The following TSC1 variants were observed in gnomAD, a reference collection of about 807,000 sequenced individuals.
TSC1 encodes the protein TSC complex subunit 1, also known as hamartin.
Under a neutral mutation model 124.3 loss-of-function variants are expected in TSC1, and 20 were observed. The ratio of observed to expected loss-of-function variants is 0.16; its 90% CI spans 0.11 to 0.23. The LOEUF is 0.23. Among genes scored for constraint, TSC1 ranks in the 10% least tolerant of loss-of-function variants. The pLI is 1.00. For missense variants in TSC1, 1,124 were observed against 1,448.5 expected, an observed-to-expected ratio of 0.78 and a Z score of 3.64; for synonymous variants, 493 against 539.1, an observed-to-expected ratio of 0.91 and a Z score of 1.19.
At position 132,921,343 on chromosome 9, in the gene TSC1, T is replaced by C. The variant is rs764271835; in HGVS notation, c.737+20A>G. 281 of 1,613,336 alleles carry C rather than the reference T, an allele frequency of 1.7e-4. 4 individuals are homozygous for C. The highest frequency in any genetic ancestry group is 1.1e-5 in the South Asian group (1 of 91,072). ...AATCTCTCGAAAGATTCTTTAAAAT[T>C]TTGACACTAGTTTCTATACCTTCGA... is the stretch of plus-strand genomic sequence containing the variant. On this transcript the variant is annotated intron_variant, in intron 8 of 22. Coordinates refer to ENST00000298552, the MANE Select transcript of TSC1 (RefSeq NM_000368.5). This position sits in a 1 kb window ranked among gnomAD's most constrained non-coding sequence, Gnocchi z 4.3.
chr9:132,928,189 C>T (rs1564504372), intron 3 of TSC1, among the ~76,000 whole-genome samples: 1 of 152,164 alleles, frequency 6.6e-6, no homozygotes, highest in Admixed American at 6.6e-5. Flanking sequence ...CATTCACCTA[C>T]TGAAGGATAC....
chr9:132,908,166 A>C (rs1435095842), intron 12 of TSC1, among the ~76,000 whole-genome samples: 5 of 152,240 alleles, frequency 3.3e-5, no homozygotes, highest in Non-Finnish European at 1.5e-5. Context: ...TATATTAGAA[A>C]ACCAGGAAAT....
In TSC1 at chr9:132,934,615, G is replaced by A. The variant is rs1275446266; in HGVS notation, c.-81+418C>T. 1.9e-5 allele frequency: 3 copies of A among 155,082 alleles called. No individual in the cohort carries two copies. In the Admixed American group the frequency reaches 2.0e-4, roughly 10 times the overall value. The allele number at this position is 155,082 out of a possible 1,614,324, so 9.6% of individuals were successfully genotyped here. On this transcript the variant is annotated intron_variant, in intron 2 of 22. Coordinates refer to ENST00000298552, the MANE Select transcript of TSC1 (RefSeq NM_000368.5). Reference sequence around the variant, plus strand: ...TGCAGATTTCTCAGGTGCAGCCAGGGTTAAGAACGTCTGCACTAGTTAAAT... The same window carrying A: ...TGCAGATTTCTCAGGTGCAGCCAGGATTAAGAACGTCTGCACTAGTTAAAT...
chr9:132,916,996 T>G (rs1394520852), intron 8 of TSC1, among the ~76,000 whole-genome samples: 2 of 152,250 alleles, frequency 1.3e-5, no homozygotes, highest in Non-Finnish European at 2.9e-5. Flanking sequence ...TTTGAGTCCA[T>G]GCATATCTGA....
rs1845080410 is a variant in TSC1 at position 132,896,647 on chromosome 9, C to T, written c.3083G>A (p.Gly1028Asp). Residue 1028 changes from glycine to aspartate, a missense_variant, in exon 23 of 23, where the codon GGC (glycine) becomes GAC (aspartate). Gly to Asp is a moderately conservative substitution (Grantham distance 94). Around this residue, in one of 5 missense-constraint regions of TSC1, gnomAD observed 325 missense variants for 383.4 expected, o/e 0.85. Transcript: ENST00000298552. The surrounding 1 kb of genome is among the most constrained non-coding windows in gnomAD (Gnocchi z 4.5). ...TKTPRPSSAR[G>D]SSGSRGGGGS... ...TCCACCACCTCTGCTTCCACTACTGCCCCGGGCGCTGCTGGGCCTGGGGGT... is the reference window on the plus strand; with the variant it reads ...TCCACCACCTCTGCTTCCACTACTGTCCCGGGCGCTGCTGGGCCTGGGGGT... The T allele has an allele frequency of 1.9e-6, 3 of 1,614,044 alleles. No individual in the cohort carries two copies. The highest frequency in any genetic ancestry group is 2.5e-6 in the Non-Finnish European group (3 of 1,179,984).
intron 2 of TSC1, among the ~76,000 whole-genome samples, chr9:132,930,945 A>G (rs1258850740): frequency 6.6e-6 from 1 of 152,208 alleles, no homozygotes; most frequent in African/African-American, 2.4e-5. Flanking sequence ...TCAAAACCAA[A>G]AAGCGATTAG....
intron 8 of TSC1, among the ~76,000 whole-genome samples, chr9:132,914,911 C>T (rs182187906): frequency 1.3e-5 from 2 of 151,962 alleles, no homozygotes; most frequent in East Asian, 1.9e-4. Flanking sequence ...CATGGTGGCT[C>T]ACACCTGTAA....
At position 132,943,280 on chromosome 9, in the gene TSC1, G is replaced by A. The variant is rs559687685; in HGVS notation, c.-144+1263C>T. Among the ~76,000 whole-genome samples the A allele has an allele frequency of 2.2e-4, 32 of 148,352 alleles. 1 individual carries two copies. The highest frequency in any genetic ancestry group is 7.9e-4 in the African/African-American group (32 of 40,468). Reference sequence around the variant, plus strand: ...GATTTTAGCAGGACTTCTTTCTTCAGTAAACTCATCAGTTTTATTAAACTA... The same window carrying A: ...GATTTTAGCAGGACTTCTTTCTTCAATAAACTCATCAGTTTTATTAAACTA... On this transcript the variant is annotated intron_variant, in intron 1 of 22. Coordinates refer to ENST00000298552, the MANE Select transcript of TSC1 (RefSeq NM_000368.5).
chr9:132,945,289 C>T (rs1434888839), upstream of TSC1: 1 of 152,280 alleles, frequency 6.6e-6, no homozygotes, highest in Non-Finnish European at 1.5e-5. Flanking sequence ...TGGCTTCTGC[C>T]TTCAAGTAGC....
chr9:132,921,689 T>A lies in TSC1; in HGVS notation c.663+130A>T. On this transcript the variant is annotated intron_variant, in intron 7 of 22. Transcript: ENST00000298552. This position sits in a 1 kb window ranked among gnomAD's most constrained non-coding sequence, Gnocchi z 4.3. Reference sequence around the variant, plus strand: ...AAACAGATTAGTGGCTGCCTAGGGATTGGAGTGGCGAGGAAGAAAACTGAA... The same window carrying A: ...AAACAGATTAGTGGCTGCCTAGGGAATGGAGTGGCGAGGAAGAAAACTGAA... 8.0e-7 allele frequency: 1 copy of A among 1,251,504 alleles called. No homozygotes were observed. The highest frequency in any genetic ancestry group is 1.2e-6 in the Non-Finnish European group (1 of 864,980). 77.5% of individuals were successfully genotyped at this position (1,251,504 alleles called of 1,614,324 possible).
chr9:132,921,780 G>A lies in TSC1; in HGVS notation c.663+39C>T, dbSNP rs776856075. The A allele has an allele frequency of 6.2e-7, 1 of 1,612,194 alleles. No individual in the cohort carries two copies. The highest frequency in any genetic ancestry group is 8.5e-7 in the Non-Finnish European group (1 of 1,178,528). On this transcript the variant is annotated intron_variant, in intron 7 of 22. Coordinates refer to ENST00000298552, the MANE Select transcript of TSC1 (RefSeq NM_000368.5). This position sits in a 1 kb window ranked among gnomAD's most constrained non-coding sequence, Gnocchi z 4.3. ...GGTATAAATGCAGCCTATCTAAACA[G>A]TATACTAAGTAGCAAACAAACAAGC... is the stretch of plus-strand genomic sequence containing the variant.
chr9:132,906,244 G>C lies in TSC1; in HGVS notation c.1439-105C>G, dbSNP rs758086949. ...GCCACATGCCAGTGTCACTCAGAGA[G>C]AGGAGAAAAAGTGGCATCCGGCTGG... On this transcript the variant is annotated intron_variant, in intron 14 of 22. Transcript: ENST00000298552. The surrounding 1 kb of genome is among the most constrained non-coding windows in gnomAD (Gnocchi z 4.1). The C allele has an allele frequency of 8.9e-6, 12 of 1,341,676 alleles. No individual in the cohort carries two copies. The highest frequency in any genetic ancestry group is 1.2e-5 in the Non-Finnish European group (12 of 962,958). 83.1% of individuals were successfully genotyped at this position (1,341,676 alleles called of 1,614,324 possible).
chr9:132,903,751 A>G lies in TSC1; in HGVS notation c.2108T>C (p.Leu703Pro). 6.2e-7 allele frequency: 1 copy of G among 1,613,646 alleles called. No individual in the cohort carries two copies. Among genetic ancestry groups the G allele is most frequent in the Non-Finnish European group, 8.5e-7 (1 of 1,179,988 alleles). The change falls in exon 17 of 23, where the codon CTC (leucine) becomes CCC (proline). Residue 703 changes from leucine to proline, a missense_variant. Physicochemically the swap from Leu to Pro is moderately conservative, Grantham distance 98. Transcript: ENST00000298552. The surrounding 1 kb of genome is among the most constrained non-coding windows in gnomAD (Gnocchi z 5.9). ...DQLLLLHNQL[L>P]YERFKRQQHA... ...CTGCTGCCTCTTAAAACGCTCATAG[A>G]GTAACTGGTTGTGCAGTAAAAGCAA... is the stretch of plus-strand genomic sequence containing the variant.
intron 15 of TSC1, among the ~76,000 whole-genome samples, chr9:132,904,672 G>A (rs1845566201): frequency 6.6e-6 from 1 of 152,352 alleles, no homozygotes; most frequent in African/African-American, 2.4e-5. Context: ...GACCTGTGTT[G>A]TTAGCTTAAC....
intron 16 of TSC1, 50 bp downstream of exon 16, chr9:132,904,361 G>A (rs767995624): frequency 1.9e-6 from 3 of 1,605,948 alleles, no homozygotes; most frequent in Non-Finnish European, 2.6e-6. Flanking sequence ...AGGGCAACAA[G>A]CAAGCAGGAA....
chr9:132,898,610 G>C (rs777728175), intron 20 of TSC1, among the ~76,000 whole-genome samples: 22 of 152,192 alleles, frequency 1.4e-4, no homozygotes, highest in Non-Finnish European at 2.9e-4. Context: ...TTCAGCACAG[G>C]GTGGATGAAC....
In TSC1 at chr9:132,903,895, T is replaced by A; in HGVS notation, c.2042-78A>T. The A allele has an allele frequency of 6.5e-7, 1 of 1,547,314 alleles. No homozygotes were observed. Among genetic ancestry groups the A allele is most frequent in the Non-Finnish European group, 8.9e-7 (1 of 1,126,094 alleles). On this transcript the variant is annotated intron_variant, in intron 16 of 22. Transcript: ENST00000298552. The surrounding 1 kb of genome is among the most constrained non-coding windows in gnomAD (Gnocchi z 5.9). ...ATCAAGCCCCCTTCCCATGTGTTGT[T>A]AGCTTAACAAACACAATTCTTTAAA...
At chr9:132,914,487 T>A (rs965581580) in intron 8 of TSC1, among the ~76,000 whole-genome samples, 1 of 152,164 alleles carries the variant, frequency 6.6e-6, no homozygotes, top group Non-Finnish European at 1.5e-5. Context: ...TTATTATGAT[T>A]GGGATTTTTG....
At chr9:132,900,612 A>G in intron 20 of TSC1, 103 bp downstream of exon 20, 1 of 1,588,504 alleles carries the variant, frequency 6.3e-7, no homozygotes, top group Non-Finnish European at 8.6e-7. Context: ...TCCGTCTTTT[A>G]GGAAATAAGT....
Sources: allele counts gnomAD v4.1 joint callset (sites outside exome capture counted in the v4.1 genomes callset), GRCh38; gene constraint gnomAD v4.1.1; regional missense constraint gnomAD v4.1.1; non-coding constraint Gnocchi (gnomAD v3.1); transcripts MANE v1.5; gene names NCBI Gene and HGNC (gene_info 2026-07-23, HGNC 2026-07-21).